Variants in FOXN3 observed in about 807,000 individuals in gnomAD.
FOXN3 encodes the protein forkhead box N3, also known as forkhead box protein N3.
A neutral mutation model predicts 38.4 loss-of-function variants in FOXN3; 7 were observed. The ratio of observed to expected loss-of-function variants is 0.18; its 90% CI spans 0.10 to 0.34. FOXN3 has a LOEUF of 0.34. Among genes scored for constraint, FOXN3 ranks in the 10% least tolerant of loss-of-function variants. The pLI, the probability that FOXN3 is intolerant of heterozygous loss-of-function variation, is 1.00. For missense variants in FOXN3, 456 were observed against 613.4 expected (o/e 0.74, Z 2.71); for synonymous variants, 230 against 242.2 (o/e 0.95, Z 0.47).
intron 1 of FOXN3, among the ~76,000 whole-genome samples, chr14:89,504,109 G>A (rs1214009960): frequency 1.3e-5 from 2 of 152,226 alleles, no homozygotes; most frequent in African/African-American, 4.8e-5. Flanking sequence ...TACCCAGCTA[G>A]CTTTGCTCAT....
At chr14:89,365,218 G>A (rs1056945132) in intron 2 of FOXN3, among the ~76,000 whole-genome samples, 3 of 152,144 alleles carry the variant, frequency 2.0e-5, no homozygotes, top group African/African-American at 7.2e-5. Flanking sequence ...GGAGGCTACA[G>A]GAAGCACACA....
intron 1 of FOXN3, among the ~76,000 whole-genome samples, chr14:89,538,458 C>T (rs1022529047): frequency 6.6e-6 from 1 of 152,184 alleles, no homozygotes; most frequent in Non-Finnish European, 1.5e-5. Flanking sequence ...CAGAATGAAG[C>T]AGGAGGCTGC....
chr14:89,469,547 T>C (rs1301092553), intron 1 of FOXN3, among the ~76,000 whole-genome samples: 2 of 152,264 alleles, frequency 1.3e-5, no homozygotes, highest in Non-Finnish European at 2.9e-5. Context: ...ATGTTGTGAC[T>C]GGGCTTTCGT....
intron 1 of FOXN3, among the ~76,000 whole-genome samples, chr14:89,528,188 A>G (rs1389950473): frequency 6.6e-6 from 1 of 152,164 alleles, no homozygotes; most frequent in Admixed American, 6.5e-5. Context: ...ACATGAAAGC[A>G]TATGTCCTCC....
chr14:89,526,172 T>G (rs1894428843), intron 1 of FOXN3, among the ~76,000 whole-genome samples: 1 of 152,186 alleles, frequency 6.6e-6, no homozygotes, highest in Non-Finnish European at 1.5e-5. Context: ...TACTATTATA[T>G]CAGGACTGAA....
intron 2 of FOXN3, among the ~76,000 whole-genome samples, chr14:89,405,329 G>A (rs1027783159): frequency 1.3e-5 from 2 of 152,066 alleles, no homozygotes; most frequent in African/African-American, 4.8e-5. Flanking sequence ...TAGAGACAGG[G>A]TTTCACCATG....
intron 4 of FOXN3, among the ~76,000 whole-genome samples, chr14:89,213,552 T>C (rs898068229): frequency 3.3e-5 from 5 of 152,248 alleles, no homozygotes; most frequent in African/African-American, 7.2e-5. Flanking sequence ...ACCTTAAGGA[T>C]GGCTGATTCC....
intron 3 of FOXN3, among the ~76,000 whole-genome samples, chr14:89,329,535 G>A (rs904701125): frequency 6.6e-6 from 1 of 152,056 alleles, no homozygotes; most frequent in Non-Finnish European, 1.5e-5. Context: ...CATCCTACAA[G>A]GCACAGGACA....
chr14:89,252,445 A>G (rs887849456), intron 4 of FOXN3, among the ~76,000 whole-genome samples: 2 of 152,266 alleles, frequency 1.3e-5, no homozygotes, highest in Non-Finnish European at 2.9e-5. Flanking sequence ...ACCTGAGGTC[A>G]GGAGTTCGAG....
intron 3 of FOXN3, among the ~76,000 whole-genome samples, chr14:89,320,462 C>T (rs370288027): frequency 4.6e-5 from 7 of 152,348 alleles, no homozygotes; most frequent in African/African-American, 1.7e-4. Context: ...CGCAGAATCA[C>T]CCACACACTG....
At chr14:89,588,850 T>C (rs1376838007) in intron 1 of FOXN3, among the ~76,000 whole-genome samples, 2 of 152,198 alleles carry the variant, frequency 1.3e-5, no homozygotes, top group African/African-American at 2.4e-5. Flanking sequence ...TGAAAAACAA[T>C]GATTTTGGGA....
intron 2 of FOXN3, among the ~76,000 whole-genome samples, chr14:89,364,177 G>T (rs76790354): frequency 0.027 from 4,013 of 149,668 alleles, 82 homozygotes; most frequent in Non-Finnish European, 0.044. Flanking sequence ...GAACAAAACT[G>T]ATTACAAAGA....
intron 1 of FOXN3, among the ~76,000 whole-genome samples, chr14:89,515,704 C>A (rs1433684300): frequency 6.6e-6 from 1 of 152,070 alleles, no homozygotes; most frequent in Non-Finnish European, 1.5e-5. Flanking sequence ...CCACTGTACT[C>A]CAGCCTGGAA....
chr14:89,200,607 G>A (rs1160962041), intron 4 of FOXN3, among the ~76,000 whole-genome samples: 1 of 152,172 alleles, frequency 6.6e-6, no homozygotes, highest in Non-Finnish European at 1.5e-5. Context: ...TCGTATTTCT[G>A]TTTTCTCCGG....
chr14:89,512,866 T>C (rs573938972), intron 1 of FOXN3, among the ~76,000 whole-genome samples: 2 of 151,698 alleles, frequency 1.3e-5, no homozygotes, highest in South Asian at 2.1e-4. Context: ...CTAGGCTGGG[T>C]GTGGTGGCTC....
intron 4 of FOXN3, among the ~76,000 whole-genome samples, chr14:89,273,429 A>G (rs1183503430): frequency 3.3e-5 from 5 of 152,240 alleles, no homozygotes; most frequent in African/African-American, 1.2e-4. Context: ...TAAAATGGTT[A>G]CTATAGACGG....
intron 1 of FOXN3, among the ~76,000 whole-genome samples, chr14:89,579,649 G>A (rs1356474582): frequency 6.6e-6 from 1 of 151,812 alleles, no homozygotes; most frequent in Non-Finnish European, 1.5e-5. Context: ...CCTTCTTCCT[G>A]TTCCTCAGAC....
rs764906969 is a variant in FOXN3, at chr14:89,412,240, C to T, written c.237G>A (p.Ser79=). Residue 79 remains serine, a synonymous_variant, in exon 2 of 6, where the codon TCG becomes TCA. Coordinates refer to ENST00000557258, the MANE Select transcript of FOXN3 (RefSeq NM_005197.4). This position sits in a 1 kb window ranked among gnomAD's most constrained non-coding sequence, Gnocchi z 4.7. ...GGACGGGGCTGACACTCCTGAGGAC[C>T]GACTCCCCAAAGCTCTTCAGCAAGT... ...SKNLLKSFGE[S]VLRSVSPVQD... is the part of the protein sequence containing the mutation. The T allele has an allele frequency of 2.1e-5, 34 of 1,613,918 alleles. No homozygotes were observed. Among genetic ancestry groups the T allele is most frequent in the Admixed American group, 3.3e-5 (2 of 59,994 alleles).
chr14:89,593,392 G>A (rs144536371), intron 1 of FOXN3, among the ~76,000 whole-genome samples: 12 of 152,198 alleles, frequency 7.9e-5, no homozygotes, highest in African/African-American at 2.6e-4. Context: ...TAACCCCAGC[G>A]CTTTGGAAGG....
Sources: gnomAD v4.1 joint callset for allele counts (sites outside exome capture counted in the v4.1 genomes callset) on GRCh38, gnomAD v4.1.1 for gene constraint, Gnocchi (gnomAD v3.1) non-coding constraint, MANE v1.5 for transcripts, NCBI Gene and HGNC (gene_info 2026-07-23, HGNC 2026-07-21) for gene names.